GPC3: variants seen among roughly 807,000 people sequenced by gnomAD.
The protein encoded by GPC3 is glypican-3.
GPC3 carries 3 observed loss-of-function variants against 34.4 expected under a neutral mutation model. The ratio of observed to expected loss-of-function variants is 0.09; its 90% confidence interval spans 0.04 to 0.23. The LOEUF (loss-of-function observed/expected upper bound fraction) is 0.23. GPC3 is among the 10% of genes least tolerant of loss of function. The probability of loss-of-function intolerance (pLI) is 1.00; values close to 1 mark genes in which losing one functional copy is unlikely to be tolerated. For missense variants in GPC3, 351 were observed against 445.6 expected (o/e 0.79, Z 1.91); for synonymous variants, 177 against 174.0 (o/e 1.02, Z -0.13).
chrX:133,747,618 G>C (rs1329570177), intron 3 of GPC3, among the ~76,000 whole-genome samples: 1 of 111,718 alleles, frequency 9.0e-6, no homozygotes, highest in East Asian at 2.8e-4. Flanking sequence ...ATGGTTAAGA[G>C]CATGAGCTTT....
chrX:133,842,100 C>G (rs1005790784), intron 2 of GPC3, among the ~76,000 whole-genome samples: 1 of 111,491 alleles, frequency 9.0e-6, no homozygotes. Context: ...GCAGATCACC[C>G]GAGGTCAGGA....
chrX:133,965,760 T>C (rs749909952), intron 1 of GPC3, among the ~76,000 whole-genome samples: 1 of 112,092 alleles, frequency 8.9e-6, no homozygotes, highest in Non-Finnish European at 1.9e-5. Flanking sequence ...TGTTTCATCA[T>C]TGGTGAGTTA....
At chrX:133,671,325 T>A (rs2070825305) in intron 5 of GPC3, 7 of 736,226 alleles carry the variant, frequency 9.5e-6, no homozygotes, top group Non-Finnish European at 1.1e-5. Context: ...AAGAACCCAA[T>A]AAAGAAAGTC....
chrX:133,674,602 C>G (rs898735404), intron 5 of GPC3, among the ~76,000 whole-genome samples: 1 of 111,075 alleles, frequency 9.0e-6, no homozygotes, highest in Non-Finnish European at 1.9e-5. Flanking sequence ...TCAAACGGCT[C>G]AAAATTAATT....
chrX:133,599,696 G>A, intron 6 of GPC3, among the ~76,000 whole-genome samples: 1 of 111,661 alleles, frequency 9.0e-6, no homozygotes, highest in East Asian at 2.8e-4. Context: ...TTCGATATAA[G>A]CATTTTTATG....
chrX:133,638,937 C>T (rs780230336), intron 6 of GPC3, among the ~76,000 whole-genome samples: 1 of 111,402 alleles, frequency 9.0e-6, no homozygotes, highest in South Asian at 3.9e-4. Flanking sequence ...TCCCGTGGGC[C>T]GTGGGTTGGA....
At chrX:133,655,309 G>A (rs1027924990) in intron 6 of GPC3, among the ~76,000 whole-genome samples, 7 of 111,275 alleles carry the variant, frequency 6.3e-5, no homozygotes, top group Admixed American at 2.9e-4. Flanking sequence ...TGATAAATCC[G>A]TTTTGGAATA....
chrX:133,864,000 T>A (rs1171258029), intron 2 of GPC3, among the ~76,000 whole-genome samples: 1 of 111,749 alleles, frequency 8.9e-6, no homozygotes, highest in African/African-American at 3.3e-5. Flanking sequence ...TTTTGATTAC[T>A]GGCAAATTTC....
chrX:133,541,976 A>T (rs779021397), intron 7 of GPC3, among the ~76,000 whole-genome samples: 37 of 111,294 alleles, frequency 3.3e-4, no homozygotes, highest in South Asian at 7.6e-4. Context: ...TTCTAGTTTT[A>T]TTTCTCTCTG....
chrX:133,942,099 G>T (rs2076347082), intron 2 of GPC3, among the ~76,000 whole-genome samples: 1 of 111,536 alleles, frequency 9.0e-6, no homozygotes, highest in Admixed American at 9.6e-5. Flanking sequence ...TTGTATGCCT[G>T]TATCAAAACA....
chrX:133,756,162 C>T lies in GPC3; in HGVS notation c.338-1986G>A, dbSNP rs188376866. Among the ~76,000 whole-genome samples, 120 of 112,138 alleles carry T rather than the reference C, an allele frequency of 1.1e-3. 1 individual carries two copies. Among genetic ancestry groups the T allele is most frequent in the African/African-American group, 3.7e-3 (114 of 30,854 alleles). ...GGTATTACAACTCCCATTTTATATG[C>T]GACAAAATTGAGGCTCAGTAGAGTT... On this transcript the variant is annotated intron_variant, in intron 2 of 7. Coordinates refer to ENST00000370818, the MANE Select transcript of GPC3 (RefSeq NM_004484.4).
chrX:133,822,089 A>G (rs967447453), intron 2 of GPC3, among the ~76,000 whole-genome samples: 3 of 112,307 alleles, frequency 2.7e-5, no homozygotes, highest in Non-Finnish European at 5.6e-5. Context: ...AAAAAATTCC[A>G]GAAATAAACA....
At position 133,762,840 on chromosome X, in the gene GPC3, C is replaced by G. The variant is rs1280200742; in HGVS notation, c.338-8664G>C. Reference sequence around the variant, plus strand: ...TCCTGCAAATGAAATAGAAGGGTGTCCTTAAGTTCCTTGCAGCAGGAACCC... The same window carrying G: ...TCCTGCAAATGAAATAGAAGGGTGTGCTTAAGTTCCTTGCAGCAGGAACCC... On this transcript the variant is annotated intron_variant, in intron 2 of 7. Transcript: ENST00000370818. The G allele has an allele frequency of 7.6e-6, 4 of 527,007 alleles. No individual in the cohort carries two copies. The African/African-American group carries it at 9.1e-5, about 12-fold the overall frequency. 43.4% of individuals were successfully genotyped at this position (527,007 alleles called of 1,213,427 possible).
At position 133,558,903 on chromosome X, in the gene GPC3, G is replaced by GTAAATAAA. The variant is rs755481125; in HGVS notation, c.1574-22618_1574-22611dup. Among the ~76,000 whole-genome samples the GTAAATAAA allele has an allele frequency of 1.9e-3, 192 of 102,603 alleles. 1 individual carries two copies. The highest frequency in any genetic ancestry group is 5.1e-3 in the Middle Eastern group (1 of 197). The allele number at this position is 102,603 out of a possible 115,157, so 89.1% of individuals were successfully genotyped here. The stretch of plus-strand genomic sequence containing the variant: ...AAGACTCTGTCTCAAAAATAAGTAA[G>GTAAATAAA]TAAATAAATAAATAAATAAATAAAT... On this transcript the variant is annotated intron_variant, in intron 7 of 7. Transcript: ENST00000370818.
At chrX:133,561,530 T>G (rs753337666) in intron 7 of GPC3, among the ~76,000 whole-genome samples, 2 of 112,269 alleles carry the variant, frequency 1.8e-5, no homozygotes, top group African/African-American at 3.2e-5. Context: ...ATGCAAAGCA[T>G]GCCCAACTCC....
At chrX:133,862,691 A>AAAT (rs770674766) in intron 2 of GPC3, among the ~76,000 whole-genome samples, 3,478 of 107,978 alleles carry the variant, frequency 0.032, 150 homozygotes, top group African/African-American at 0.099. Flanking sequence ...CTCCATCTCA[A>AAAT]AATAATAATA....
chrX:133,569,896 G>T lies in GPC3; in HGVS notation c.1573+26544C>A, dbSNP rs753770423. 8.2e-3 allele frequency among the ~76,000 whole-genome samples: 839 copies of T among 102,204 alleles called. 5 individuals carry two copies. The highest frequency in any genetic ancestry group is 0.013 in the Non-Finnish European group (652 of 49,782). The allele number at this position is 102,204 out of a possible 115,157, so 88.8% of individuals were successfully genotyped here. A position where few individuals can be genotyped will look rare whatever the true frequency, so the allele number is the denominator to read the frequency against. ...ATACATCTATATAGAAAAAGAATGGGTTTTTTTTTTTTTGAGATGGAGTCT... is the reference window on the plus strand; with the variant it reads ...ATACATCTATATAGAAAAAGAATGGTTTTTTTTTTTTTTGAGATGGAGTCT... On this transcript the variant is annotated intron_variant, in intron 7 of 7. Coordinates refer to ENST00000370818, the MANE Select transcript of GPC3 (RefSeq NM_004484.4).
At chrX:133,623,023 G>T (rs953488966) in intron 6 of GPC3, among the ~76,000 whole-genome samples, 1 of 111,953 alleles carries the variant, frequency 8.9e-6, no homozygotes, top group Non-Finnish European at 1.9e-5. Flanking sequence ...TTAAAGAAAA[G>T]AATTTTTAAC....
chrX:133,880,621 T>C (rs1163297817), intron 2 of GPC3, among the ~76,000 whole-genome samples: 1 of 112,082 alleles, frequency 8.9e-6, no homozygotes, highest in Non-Finnish European at 1.9e-5. Context: ...AAAAAAATCA[T>C]ATAATGTGAT....
Sources: allele counts gnomAD v4.1 joint callset (sites outside exome capture counted in the v4.1 genomes callset), GRCh38; gene constraint gnomAD v4.1.1; transcripts MANE v1.5; gene names NCBI Gene and HGNC (gene_info 2026-07-23, HGNC 2026-07-21).